GLIS3: variants seen among roughly 807,000 people sequenced by gnomAD.
GLIS3 encodes GLIS family zinc finger 3.
GLIS3 carries 53 observed loss-of-function variants against 78.6 expected under a neutral mutation model. The observed-to-expected ratio is 0.67, with a 90% confidence interval of 0.54 to 0.85. The LOEUF is 0.85. Ranked by LOEUF, GLIS3 falls within the 40% of genes least tolerant of loss-of-function variation. The pLI is 0.00. For missense variants in GLIS3, 1,703 were observed against 1,231.1 expected, an observed-to-expected ratio of 1.38 and a Z score of -5.74; for synonymous variants, 684 against 509.9, an observed-to-expected ratio of 1.34 and a Z score of -4.60.
intron 4 of GLIS3, among the ~76,000 whole-genome samples, chr9:4,103,600 T>C (rs1830538365): frequency 6.6e-6 from 1 of 152,176 alleles, no homozygotes; most frequent in Non-Finnish European, 1.5e-5. Context: ...GACTCTGTCA[T>C]CCCCATGTCA....
intron 2 of GLIS3, among the ~76,000 whole-genome samples, chr9:4,237,556 A>T (rs1003794790): frequency 2.6e-5 from 4 of 152,240 alleles, no homozygotes; most frequent in African/African-American, 9.6e-5. Context: ...ATTCAAAATG[A>T]TAGTACTTTT....
At chr9:4,350,162 A>G (rs1380052523), upstream of GLIS3, among the ~76,000 whole-genome samples, 1 of 152,232 alleles carries the variant, frequency 6.6e-6, no homozygotes, top group Non-Finnish European at 1.5e-5. Flanking sequence ...ACCGAGAGCT[A>G]TCACAAGGCC....
intron 2 of GLIS3, among the ~76,000 whole-genome samples, chr9:4,195,650 C>T (rs1419979477): frequency 6.6e-6 from 1 of 152,258 alleles, no homozygotes; most frequent in African/African-American, 2.4e-5. Flanking sequence ...CTGGTCCCAT[C>T]GACCGCCCAA....
intron 2 of GLIS3, among the ~76,000 whole-genome samples, chr9:4,130,451 G>A (rs554954307): frequency 7.0e-4 from 107 of 152,336 alleles, no homozygotes; most frequent in Non-Finnish European, 1.1e-3. Context: ...GCCAGGCCCA[G>A]GGCCCTGCTG....
chr9:4,407,304 A>T, the GLIS3 span, among the ~76,000 whole-genome samples: 1 of 152,264 alleles, frequency 6.6e-6, no homozygotes, highest in Admixed American at 6.5e-5. Flanking sequence ...AAAATAAATT[A>T]AAGACTTAAA....
chr9:4,242,252 G>A (rs1700807711), intron 2 of GLIS3, among the ~76,000 whole-genome samples: 1 of 152,036 alleles, frequency 6.6e-6, no homozygotes, highest in Non-Finnish European at 1.5e-5. Context: ...GTAACACAGG[G>A]CCGTCTTTTA....
chr9:4,399,396 C>G, the GLIS3 span, among the ~76,000 whole-genome samples: 1 of 152,296 alleles, frequency 6.6e-6, no homozygotes, highest in African/African-American at 2.4e-5. Flanking sequence ...TAAACTGATT[C>G]TCTTACAACA....
chr9:4,438,099 C>T, the GLIS3 span, among the ~76,000 whole-genome samples: 1 of 152,016 alleles, frequency 6.6e-6, no homozygotes, highest in African/African-American at 2.4e-5. Flanking sequence ...TAGGAAATAA[C>T]CCAAGAAACC....
chr9:4,056,387 C>G (rs1322879587), intron 4 of GLIS3, among the ~76,000 whole-genome samples: 1 of 152,182 alleles, frequency 6.6e-6, no homozygotes, highest in Non-Finnish European at 1.5e-5. Context: ...TTAACAGTGG[C>G]TGAGATGGGC....
At chr9:4,303,963 T>A (rs1360957311), upstream of GLIS3, among the ~76,000 whole-genome samples, 1 of 152,258 alleles carries the variant, frequency 6.6e-6, no homozygotes, top group African/African-American at 2.4e-5. Context: ...AATGCCATCT[T>A]ATCTATAACT....
At chr9:4,225,980 T>C (rs1821735974) in intron 2 of GLIS3, among the ~76,000 whole-genome samples, 2 of 152,262 alleles carry the variant, frequency 1.3e-5, no homozygotes, top group Admixed American at 6.5e-5. Flanking sequence ...CGTTATCATT[T>C]TAACACTGGC....
At chr9:4,162,262 C>A (rs1048532247) in intron 2 of GLIS3, among the ~76,000 whole-genome samples, 2 of 151,938 alleles carry the variant, frequency 1.3e-5, no homozygotes, top group Non-Finnish European at 2.9e-5. Flanking sequence ...CCACTCTAAT[C>A]CGGTATGACC....
rs375900646 is a variant in GLIS3 at position 4,330,291 on chromosome 9, G to T, written n.264+16790C>A. On this transcript the variant is annotated intron_variant and non_coding_transcript_variant, in intron 2 of 4. Coordinates refer to the GLIS3 transcript ENST00000471664. Reference sequence around the variant, plus strand: ...GGTGCACATTCAAATCACCTGGAAGGCCTGTTAAAACACAGATTGCTGGTA... The same window carrying T: ...GGTGCACATTCAAATCACCTGGAAGTCCTGTTAAAACACAGATTGCTGGTA... 5.3e-5 allele frequency among the ~76,000 whole-genome samples: 8 copies of T among 152,338 alleles called. No individual in the cohort carries two copies. In the East Asian group the frequency reaches 1.3e-3, roughly 26 times the overall value.
chr9:4,265,171 C>CA (rs748851157), intron 2 of GLIS3, among the ~76,000 whole-genome samples: 25,777 of 83,846 alleles, frequency 0.31, 3,159 homozygotes, highest in South Asian at 0.5. Flanking sequence ...GACGCCGTCT[C>CA]AAAAAAAAAA....
the GLIS3 span, among the ~76,000 whole-genome samples, chr9:4,480,459 G>T: frequency 6.6e-6 from 1 of 151,838 alleles, no homozygotes; most frequent in Non-Finnish European, 1.5e-5. Context: ...TTATGGCCTC[G>T]CAAAGTGCTA....
At position 3,827,909 on chromosome 9, in the gene GLIS3, G is replaced by A. The variant is rs762420794; in HGVS notation, c.*363C>T. 35 of 327,852 alleles carry A rather than the reference G, an allele frequency of 1.1e-4. No individual in the cohort carries two copies. The highest frequency in any genetic ancestry group is 3.9e-4 in the Admixed American group (9 of 22,990). The allele number at this position is 327,852 out of a possible 1,614,324, so 20.3% of individuals were successfully genotyped here. On this transcript the variant is annotated 3_prime_UTR_variant, in exon 11 of 11. Coordinates refer to ENST00000381971, the MANE Select transcript of GLIS3 (RefSeq NM_001042413.2). ...ATTGAGGTCTTTTTCCCTGTTTGGAGTTTTCAGGTAGAGTCATCCCCAAAC... is the reference window on the plus strand; with the variant it reads ...ATTGAGGTCTTTTTCCCTGTTTGGAATTTTCAGGTAGAGTCATCCCCAAAC...
At position 3,860,290 on chromosome 9, in the gene GLIS3, A is replaced by AC. The variant is rs1489322949; in HGVS notation, c.2298-4107_2298-4106insG. On this transcript the variant is annotated intron_variant, in intron 8 of 10. Transcript: ENST00000381971. ...ACTCTGTCAAAAAAAAAAAAAAAAA[A>AC]AAAAAAAAAAAAACCTCTGGGGGAT... Among the ~76,000 whole-genome samples the AC allele has an allele frequency of 2.4e-3, 358 of 147,444 alleles. 6 individuals are homozygous for AC. Among genetic ancestry groups the AC allele is most frequent in the African/African-American group, 9.2e-3 (348 of 38,022 alleles).
chr9:3,965,381 A>AG, intron 4 of GLIS3, among the ~76,000 whole-genome samples: 1 of 151,266 alleles, frequency 6.6e-6, no homozygotes, highest in South Asian at 2.1e-4. Flanking sequence ...TTTAGTAGAG[A>AG]GGGGGTTTCA....
At chr9:4,212,621 A>T (rs1820474997) in intron 2 of GLIS3, among the ~76,000 whole-genome samples, 2 of 152,170 alleles carry the variant, frequency 1.3e-5, no homozygotes, top group Admixed American at 6.5e-5. Flanking sequence ...TGAAAAACTA[A>T]CTTTTAGCTG....
Sources: allele counts gnomAD v4.1 joint callset (sites outside exome capture counted in the v4.1 genomes callset), GRCh38; gene constraint gnomAD v4.1.1; transcripts MANE v1.5; gene names NCBI Gene and HGNC (gene_info 2026-07-23, HGNC 2026-07-21).